The following MCF2L variants were observed in gnomAD, a reference collection of about 807,000 sequenced individuals.
The protein encoded by MCF2L is MCF.2 cell line derived transforming sequence like, also known as guanine nucleotide exchange factor DBS.
In MCF2L, 97 loss-of-function variants were observed where a neutral mutation model predicts 153.4. The observed-to-expected ratio is 0.63, with a 90% CI of 0.54 to 0.75. The LOEUF (loss-of-function observed/expected upper bound fraction) is 0.75, where lower values mean the gene tolerates loss of function less well. Ranked by LOEUF, MCF2L falls within the 30% of genes least tolerant of loss-of-function variation. The pLI is 0.00. For missense variants in MCF2L, 1,347 were observed against 1,495.2 expected (o/e 0.90, Z 1.64); for synonymous variants, 659 against 632.2 (o/e 1.04, Z -0.64).
chr13:112,968,714 G>A (rs777547675), upstream of MCF2L: 44 of 1,397,736 alleles, frequency 3.1e-5, no homozygotes, highest in Non-Finnish European at 3.8e-5. Flanking sequence ...GGCGGCCGGA[G>A]GTAAAGGGAG....
At chr13:112,979,739 T>C (rs1165260038) in intron 1 of MCF2L, 1 of 1,612,150 alleles carries the variant, frequency 6.2e-7, no homozygotes, top group Non-Finnish European at 8.5e-7. Context: ...GCCGGGGAAC[T>C]GCAGGGCGCT....
At chr13:113,020,046 T>C (rs952595415) in intron 2 of MCF2L, among the ~76,000 whole-genome samples, 1 of 152,256 alleles carries the variant, frequency 6.6e-6, no homozygotes, top group Non-Finnish European at 1.5e-5. Context: ...AAAGGCATCC[T>C]GTCCAGGTAG....
intron 1 of MCF2L, among the ~76,000 whole-genome samples, chr13:112,997,676 C>T (rs376290967): frequency 6.6e-6 from 1 of 152,226 alleles, no homozygotes. Context: ...GAGAAAGCAA[C>T]CCCCCATCCA....
chr13:113,061,078 C>T (rs1478611328), intron 5 of MCF2L, among the ~76,000 whole-genome samples: 1 of 152,170 alleles, frequency 6.6e-6, no homozygotes, highest in African/African-American at 2.4e-5. Context: ...GGAACTCAGC[C>T]CAGGCCCTGC....
At chr13:112,985,635 A>T (rs2140935293) in intron 1 of MCF2L, among the ~76,000 whole-genome samples, 1 of 152,278 alleles carries the variant, frequency 6.6e-6, no homozygotes, top group South Asian at 2.1e-4. Context: ...TAGCTCAGGG[A>T]GTGGGGATGA....
chr13:112,995,017 CCATCCCCT>C (rs2083065875), intron 1 of MCF2L, among the ~76,000 whole-genome samples: 1 of 152,264 alleles, frequency 6.6e-6, no homozygotes, highest in African/African-American at 2.4e-5. Context: ...GCGCCTCCCT[CCATCCCCT>C]CCTGTCCTGT....
At position 113,075,970 on chromosome 13, in the gene MCF2L, T is replaced by A. The variant is rs1198591326; in HGVS notation, c.1313T>A (p.Met438Lys). ...GGCAATGCTCTGTGTTTCCAGTCCATGAAGTGGTGTGATGAAGGGATTTAC... is the reference window on the plus strand; with the variant it reads ...GGCAATGCTCTGTGTTTCCAGTCCAAGAAGTGGTGTGATGAAGGGATTTAC... ...LELHRRLETS[M>K]KWCDEGIYLL... Residue 438 changes from methionine to lysine, a missense_variant, in exon 12 of 30, where the codon ATG (methionine) becomes AAG (lysine). Around this residue, in one of 3 missense-constraint regions of MCF2L, gnomAD observed 820 missense variants for 921.2 expected, o/e 0.89. Transcript: ENST00000535094. The A allele has an allele frequency of 6.2e-7, 1 of 1,605,134 alleles. No individual in the cohort carries two copies. Among genetic ancestry groups the A allele is most frequent in the Admixed American group, 1.7e-5 (1 of 58,864 alleles).
chr13:113,023,151 C>A (rs890983610), intron 2 of MCF2L, among the ~76,000 whole-genome samples: 1 of 152,240 alleles, frequency 6.6e-6, no homozygotes, highest in African/African-American at 2.4e-5. Context: ...GGACGCCCCT[C>A]GGCTCAGCCC....
Position 113,088,307 on chromosome 13 carries a change from C to G in MCF2L, c.2689-20C>G. The G allele has an allele frequency of 6.2e-7, 1 of 1,606,958 alleles. No individual in the cohort carries two copies. The highest frequency in any genetic ancestry group is 8.5e-7 in the Non-Finnish European group (1 of 1,173,710). On this transcript the variant is annotated intron_variant, in intron 23 of 29. Coordinates refer to ENST00000535094, the MANE Select transcript of MCF2L (RefSeq NM_001112732.3). ...GGGGGCCTGAGTACTCACCTCCTGG[C>G]GTTTCTTTTGGGGAAACAGGCGCCA...
rs114356177 is a variant in MCF2L at position 113,031,456 on chromosome 13, C to T, written c.278+6698C>T. ...GGGGCAGGACAGAGTGCCGGGGAGT[C>T]GGGGGCTGTAGGGACAGAGTCTGGG... On this transcript the variant is annotated intron_variant, in intron 3 of 29. Coordinates refer to ENST00000535094, the MANE Select transcript of MCF2L (RefSeq NM_001112732.3). The surrounding 1 kb of genome is among the most constrained non-coding windows in gnomAD (Gnocchi z 5.5). 0.02 allele frequency among the ~76,000 whole-genome samples: 2,970 copies of T among 152,102 alleles called. 82 individuals carry two copies. Among genetic ancestry groups the T allele is most frequent in the African/African-American group, 0.067 (2,773 of 41,464 alleles).
Position 113,075,126 on chromosome 13 carries a change from G to A in MCF2L, c.1245G>A (p.Ala415=), listed in dbSNP as rs145592732. The A allele has an allele frequency of 2.0e-5, 33 of 1,613,098 alleles. No individual in the cohort carries two copies. Among genetic ancestry groups the A allele is most frequent in the Middle Eastern group, 1.6e-4 (1 of 6,084 alleles). ...ELRHLCDQFS[A]EIARRRGLLS... ...GGCACCTCTGTGACCAGTTCTCTGC[G>A]GAGATCGCAAGGAGGAGGGGGCTGC... Residue 415 remains alanine, a synonymous_variant, in exon 11 of 30, where the codon GCG becomes GCA. Coordinates refer to ENST00000535094, the MANE Select transcript of MCF2L (RefSeq NM_001112732.3).
At chr13:113,024,121 G>C (rs898796111) in intron 2 of MCF2L, among the ~76,000 whole-genome samples, 1 of 152,250 alleles carries the variant, frequency 6.6e-6, no homozygotes, top group Admixed American at 6.5e-5. Flanking sequence ...GTCAGTGTTC[G>C]AATGGAGCTC....
intron 4 of MCF2L, among the ~76,000 whole-genome samples, chr13:113,056,118 A>C (rs2087750965): frequency 6.6e-6 from 1 of 152,194 alleles, no homozygotes; most frequent in Admixed American, 6.5e-5. Context: ...TGCAGTGTCC[A>C]CCCAGTGACA....
At chr13:113,066,842 G>A (rs1010200858) in intron 8 of MCF2L, among the ~76,000 whole-genome samples, 35 of 152,336 alleles carry the variant, frequency 2.3e-4, no homozygotes, top group African/African-American at 7.9e-4. Context: ...CGGCTTGTCC[G>A]GCAGGGCCGT....
intron 15 of MCF2L, among the ~76,000 whole-genome samples, chr13:113,079,383 AGAG>A (rs1190560610): frequency 2.0e-5 from 3 of 150,652 alleles, no homozygotes; most frequent in African/African-American, 7.3e-5. Context: ...CCCTCGAGGA[AGAG>A]GAGGAGGCCA....
intron 25 of MCF2L, 23 bp downstream of exon 25, chr13:113,088,651 A>C: frequency 6.3e-7 from 1 of 1,599,352 alleles, no homozygotes; most frequent in Non-Finnish European, 8.5e-7. Flanking sequence ...ACGCTGCCGC[A>C]GGCCTGCGTT....
chr13:113,087,282 C>A lies in MCF2L; in HGVS notation c.2421C>A (p.Ser807Arg). 1 of 1,612,956 alleles carries A rather than the reference C, an allele frequency of 6.2e-7. No homozygotes were observed. Among genetic ancestry groups the A allele is most frequent in the African/African-American group, 1.3e-5 (1 of 75,042 alleles). ...LGKLLMQGSF[S>R]VWTDHKRGHT... ...AGCTGCTGATGCAGGGCTCGTTCAG[C>A]GTCTGGACCGACCACAAGAGGGGCC... The change falls in exon 22 of 30, where the codon AGC (serine) becomes AGA (arginine). Residue 807 changes from serine to arginine, a missense_variant. Physicochemically the swap from Ser to Arg is moderately radical, Grantham distance 110. Coordinates refer to ENST00000535094, the MANE Select transcript of MCF2L (RefSeq NM_001112732.3).
At chr13:112,900,687 C>T (rs2081111267) in intron 1 of MCF2L, among the ~76,000 whole-genome samples, 1 of 152,068 alleles carries the variant, frequency 6.6e-6, no homozygotes, top group African/African-American at 2.4e-5. Context: ...ATGGGTGTGG[C>T]CCTGGTGTCC....
chr13:112,919,133 A>C (rs886856366), intron 2 of MCF2L, among the ~76,000 whole-genome samples: 1 of 152,158 alleles, frequency 6.6e-6, no homozygotes, highest in Non-Finnish European at 1.5e-5. Context: ...AAAACCACAC[A>C]ATATAACTTT....
Sources: gnomAD v4.1 joint callset for allele counts (sites outside exome capture counted in the v4.1 genomes callset) on GRCh38, gnomAD v4.1.1 for gene constraint, gnomAD v4.1.1 regional missense constraint, Gnocchi (gnomAD v3.1) non-coding constraint, MANE v1.5 for transcripts, NCBI Gene and HGNC (gene_info 2026-07-23, HGNC 2026-07-21) for gene names.